Variants in COX11 observed in about 807,000 individuals in gnomAD.
COX11 encodes the protein cytochrome c oxidase assembly protein COX11, mitochondrial.
In COX11, 18 loss-of-function variants were observed where a neutral mutation model predicts 29.4. That is an observed-to-expected ratio of 0.61 (90% CI 0.42 to 0.91). COX11 has a LOEUF of 0.91. Ranked by LOEUF, COX11 falls within the 40% of genes least tolerant of loss-of-function variation. COX11 has a pLI of 0.00. For synonymous variants in COX11, 131 were observed against 124.0 expected, an observed-to-expected ratio of 1.06 and a Z score of -0.38; for missense variants, 312 against 346.0, an observed-to-expected ratio of 0.90 and a Z score of 0.78.
At chr17:54,968,668 C>G (rs937795383), upstream of COX11, 2 of 1,590,278 alleles carry the variant, frequency 1.3e-6, no homozygotes, top group Non-Finnish European at 1.7e-6. Flanking sequence ...CTAACACCCA[C>G]CCGCCTCTCA....
chr17:54,968,244 G>A lies in COX11; in HGVS notation c.366+37C>T, dbSNP rs118156894. 1.9e-6 allele frequency: 3 copies of A among 1,591,110 alleles called. No individual in the cohort carries two copies. The East Asian group carries it at 6.7e-5, about 36-fold the overall frequency. On this transcript the variant is annotated intron_variant, in intron 1 of 3. Transcript: ENST00000299335. ...GATTTGTCTTGCACCCCCACCTCTC[G>A]CGTCTGCGCCACCCTGCGGGCGGCG...
chr17:54,964,569 G>T, intron 2 of COX11, 128 bp downstream of exon 2: 1 of 889,656 alleles, frequency 1.1e-6, no homozygotes, highest in Non-Finnish European at 1.7e-6. Flanking sequence ...AAGTCAATTT[G>T]GAACAATGGA....
chr17:54,960,732 C>A lies in COX11; in HGVS notation c.*2001G>T. On this transcript the variant is annotated 3_prime_UTR_variant, in exon 4 of 4. Coordinates refer to ENST00000299335, the MANE Select transcript of COX11 (RefSeq NM_004375.5). ...TAAATTTTCTAAGGGCCATCTGAGTCTGACACTTTGAAATATGAGTTCCCC... is the reference window on the plus strand; with the variant it reads ...TAAATTTTCTAAGGGCCATCTGAGTATGACACTTTGAAATATGAGTTCCCC... 1.2e-6 allele frequency: 1 copy of A among 823,470 alleles called. No homozygotes were observed. Among genetic ancestry groups the A allele is most frequent in the Non-Finnish European group, 2.0e-6 (1 of 494,950 alleles). The allele number at this position is 823,470 out of a possible 1,614,324, so 51.0% of individuals were successfully genotyped here. A position where few individuals can be genotyped will look rare whatever the true frequency, so the allele number is the denominator to read the frequency against.
chr17:54,966,050 A>G (rs888550532), intron 1 of COX11, among the ~76,000 whole-genome samples: 1 of 152,236 alleles, frequency 6.6e-6, no homozygotes, highest in South Asian at 2.1e-4. Flanking sequence ...GCCATGCAAC[A>G]TTACTGAATT....
Position 54,960,976 on chromosome 17 carries a change from C to T in COX11, c.*1757G>A, listed in dbSNP as rs1262415234. 2.0e-5 allele frequency: 11 copies of T among 546,610 alleles called. No individual in the cohort carries two copies. The highest frequency in any genetic ancestry group is 9.3e-5 in the East Asian group (3 of 32,114). The allele number at this position is 546,610 out of a possible 1,614,324, so 33.9% of individuals were successfully genotyped here. A position where few individuals can be genotyped will look rare whatever the true frequency, so the allele number is the denominator to read the frequency against. On this transcript the variant is annotated 3_prime_UTR_variant, in exon 4 of 4. Coordinates refer to ENST00000299335, the MANE Select transcript of COX11 (RefSeq NM_004375.5). ...AACCGGTACCAGTAGACCCATTTAC[C>T]GTTAGTCCTCCAAATAGGTCTGAAT...
chr17:54,958,748 A>AAAAAAGG (rs372776781), downstream of COX11, among the ~76,000 whole-genome samples: 1,355 of 118,698 alleles, frequency 0.011, 50 homozygotes, highest in Non-Finnish European at 0.017. Context: ...AAAAAAAAAA[A>AAAAAAGG]GGGGTTGTTG....
intron 1 of COX11, 133 bp from the exon 2 acceptor site, chr17:54,964,985 G>T (rs2077192879): frequency 1.3e-6 from 1 of 773,910 alleles, no homozygotes; most frequent in Non-Finnish European, 2.0e-6. Context: ...ACTGACCATT[G>T]CTGTAACTGT....
chr17:54,960,229 G>A (rs1398835658), downstream of COX11, among the ~76,000 whole-genome samples: 2 of 152,062 alleles, frequency 1.3e-5, no homozygotes, highest in East Asian at 3.9e-4. Flanking sequence ...GCTGGGCATG[G>A]TTGTGTGTCC....
chr17:54,961,222 C>G lies in COX11; in HGVS notation c.*1511G>C. Reference sequence around the variant, plus strand: ...CAGGATGAATACTGGCCATTTTCTTCTCTTTATTTTAGAAGAAAGTGGATG... The same window carrying G: ...CAGGATGAATACTGGCCATTTTCTTGTCTTTATTTTAGAAGAAAGTGGATG... On this transcript the variant is annotated 3_prime_UTR_variant, in exon 4 of 4. Coordinates refer to ENST00000299335, the MANE Select transcript of COX11 (RefSeq NM_004375.5). 6.7e-7 allele frequency: 1 copy of G among 1,501,066 alleles called. No homozygotes were observed. Among genetic ancestry groups the G allele is most frequent in the South Asian group, 1.2e-5 (1 of 83,134 alleles). The allele number at this position is 1,501,066 out of a possible 1,614,324, so 93.0% of individuals were successfully genotyped here.
chr17:54,967,943 T>A (rs943002239), intron 1 of COX11, among the ~76,000 whole-genome samples: 1 of 146,414 alleles, frequency 6.8e-6, no homozygotes, highest in Admixed American at 6.8e-5. Flanking sequence ...TAAAAGCGTG[T>A]GTGCGCAGGA....
At chr17:54,959,681 G>A (rs764047527), downstream of COX11, among the ~76,000 whole-genome samples, 11 of 148,506 alleles carry the variant, frequency 7.4e-5, no homozygotes, top group Admixed American at 4.1e-4. Flanking sequence ...GCAGTGGCAC[G>A]ATCTCAGCTC....
At position 54,961,369 on chromosome 17, in the gene COX11, TGAA is replaced by T; in HGVS notation, c.*1361_*1363del. On this transcript the variant is annotated 3_prime_UTR_variant, in exon 4 of 4. Transcript: ENST00000299335. ...CCATGGTGGCACATTTCTGCTATAA[TGAA>T]GATTAAATAGAATAACAGTTCCAGG... 6.4e-7 allele frequency: 1 copy of T among 1,550,910 alleles called. No individual in the cohort carries two copies.
At chr17:54,967,033 C>A (rs765004078) in intron 1 of COX11, among the ~76,000 whole-genome samples, 4 of 53,318 alleles carry the variant, frequency 7.5e-5, no homozygotes, top group South Asian at 6.6e-4. Context: ...AATAAACGTG[C>A]GCGCGCGCGC....
intron 1 of COX11, among the ~76,000 whole-genome samples, chr17:54,967,865 T>C (rs2077282341): frequency 2.0e-5 from 3 of 152,090 alleles, no homozygotes; most frequent in Non-Finnish European, 4.4e-5. Context: ...AGTAGTCCAA[T>C]TTCCAGAGTT....
intron 1 of COX11, among the ~76,000 whole-genome samples, chr17:54,967,727 A>C (rs146582261): frequency 1.3e-5 from 2 of 151,710 alleles, no homozygotes; most frequent in East Asian, 3.9e-4. Flanking sequence ...CAATGTACTT[A>C]ACAGTTTCCA....
chr17:54,955,887 G>A (rs2049474935), downstream of COX11, among the ~76,000 whole-genome samples: 2 of 152,194 alleles, frequency 1.3e-5, no homozygotes, highest in Admixed American at 1.3e-4. Context: ...TCCCAGAGAG[G>A]TCTTGTGGTG....
exon 1 of COX11, chr17:54,952,379 T>G (rs746928328): frequency 6.6e-6 from 1 of 151,834 alleles, no homozygotes; most frequent in Non-Finnish European, 1.5e-5. Flanking sequence ...AAACCCCGTC[T>G]CTACTAAAAA....
intron 1 of COX11, among the ~76,000 whole-genome samples, chr17:54,966,492 G>A (rs940545503): frequency 2.6e-5 from 4 of 152,090 alleles, no homozygotes; most frequent in Non-Finnish European, 5.9e-5. Context: ...ATTTTTTGTT[G>A]TTTGGGGGTG....
downstream of COX11, chr17:54,957,819 AC>A (rs1157272529): frequency 2.6e-5 from 4 of 152,220 alleles, no homozygotes; most frequent in Admixed American, 2.0e-4. Context: ...CTATGACTGG[AC>A]TAATTTATAA....
Sources: gnomAD v4.1 joint callset for allele counts (sites outside exome capture counted in the v4.1 genomes callset) on GRCh38, gnomAD v4.1.1 for gene constraint, MANE v1.5 for transcripts, NCBI Gene and HGNC (gene_info 2026-07-23, HGNC 2026-07-21) for gene names.